Variants in PNPT1 observed in about 807,000 individuals in gnomAD.
PNPT1 encodes the protein polyribonucleotide nucleotidyltransferase 1, mitochondrial.
In PNPT1, 53 loss-of-function variants were observed where a neutral mutation model predicts 119.5. The observed-to-expected ratio is 0.44, with a 90% CI of 0.36 to 0.56. The LOEUF (loss-of-function observed/expected upper bound fraction) is 0.56, where lower values mean the gene tolerates loss of function less well. Among genes scored for constraint, PNPT1 ranks in the 20% least tolerant of loss-of-function variants. The pLI is 0.00. For synonymous variants in PNPT1, 357 were observed against 322.1 expected, an observed-to-expected ratio of 1.11 and a Z score of -1.16; for missense variants, 948 against 938.5, an observed-to-expected ratio of 1.01 and a Z score of -0.13.
intron 12 of PNPT1, 44 bp from the exon 13 acceptor site, chr2:55,667,137 C>G (rs941599932): frequency 1.4e-6 from 2 of 1,433,990 alleles, no homozygotes; most frequent in African/African-American, 2.8e-5. Context: ...ACGCTGGAAA[C>G]AGAAAAATCA....
intron 11 of PNPT1, among the ~76,000 whole-genome samples, chr2:55,668,801 C>T (rs866352133): frequency 2.0e-5 from 3 of 151,316 alleles, no homozygotes; most frequent in African/African-American, 4.9e-5. Context: ...GGTTTCTCCA[C>T]GTTGGTCAGG....
chr2:55,639,333 T>C (rs1695773236), intron 26 of PNPT1, among the ~76,000 whole-genome samples: 1 of 152,172 alleles, frequency 6.6e-6, no homozygotes. Context: ...TGAATTCATC[T>C]ACTCTAATTA....
At chr2:55,647,294 T>G (rs934491298) in intron 19 of PNPT1, 53 bp downstream of exon 19, 3 of 1,366,904 alleles carry the variant, frequency 2.2e-6, no homozygotes, top group South Asian at 1.3e-5. Flanking sequence ...TAATTTTTAT[T>G]TATTTATTTT....
rs370710716 is a variant in PNPT1, at chr2:55,652,263, G to T, written c.1495+2637C>A. ...TAGGACAGTGCCTGACTTAGGGCAG[G>T]GCAAGCCCTACTCTAGCAATTCAAA... On this transcript the variant is annotated intron_variant, in intron 18 of 27. Coordinates refer to ENST00000447944, the MANE Select transcript of PNPT1 (RefSeq NM_033109.5). 1.8e-4 allele frequency among the ~76,000 whole-genome samples: 28 copies of T among 152,204 alleles called. No homozygotes were observed. The East Asian group carries it at 5.0e-3, about 27-fold the overall frequency.
At chr2:55,661,226 G>A (rs1163573757) in intron 14 of PNPT1, among the ~76,000 whole-genome samples, 1 of 151,218 alleles carries the variant, frequency 6.6e-6, no homozygotes, top group Non-Finnish European at 1.5e-5. Flanking sequence ...CCGAGTAGCT[G>A]GGACTACAGG....
chr2:55,682,116 C>G (rs1345979031), intron 5 of PNPT1, among the ~76,000 whole-genome samples: 1 of 151,904 alleles, frequency 6.6e-6, no homozygotes, highest in Non-Finnish European at 1.5e-5. Context: ...GTACTCCAGC[C>G]TGGTCGACAG....
chr2:55,646,137 T>G, intron 21 of PNPT1, 122 bp downstream of exon 21: 2 of 987,618 alleles, frequency 2.0e-6, no homozygotes, highest in Non-Finnish European at 3.0e-6. Flanking sequence ...CAGTACTTCT[T>G]GATCTAAGTT....
At chr2:55,639,126 ACT>A (rs1452716844) in intron 26 of PNPT1, among the ~76,000 whole-genome samples, 1 of 152,194 alleles carries the variant, frequency 6.6e-6, no homozygotes, top group Non-Finnish European at 1.5e-5. Flanking sequence ...TAAGTTTCAA[ACT>A]ATATAGTTTA....
intron 13 of PNPT1, 50 bp from the exon 14 acceptor site, chr2:55,662,076 T>C (rs995991666): frequency 3.5e-6 from 5 of 1,422,228 alleles, no homozygotes; most frequent in African/African-American, 1.5e-5. Context: ...ACCACAAAGA[T>C]GAAAACTAAA....
At chr2:55,636,443 A>G (rs1420628045) in intron 27 of PNPT1, 51 bp from the exon 28 acceptor site, 1 of 1,560,806 alleles carries the variant, frequency 6.4e-7, no homozygotes, top group African/African-American at 1.4e-5. Flanking sequence ...ATTGAGTGAC[A>G]TCTAAACTAA....
chr2:55,659,283 T>C (rs1479997622), intron 15 of PNPT1, among the ~76,000 whole-genome samples: 1 of 152,188 alleles, frequency 6.6e-6, no homozygotes, highest in Non-Finnish European at 1.5e-5. Context: ...AATAATAAAA[T>C]TAAAAGTACT....
intron 18 of PNPT1, among the ~76,000 whole-genome samples, chr2:55,653,203 T>G (rs1696268303): frequency 6.6e-6 from 1 of 152,152 alleles, no homozygotes; most frequent in Admixed American, 6.5e-5. Context: ...TTAAGAGTCT[T>G]GTTGAGGGTC....
At position 55,693,670 on chromosome 2, in the gene PNPT1, C is replaced by G. The variant is rs767990424; in HGVS notation, c.154G>C (p.Gly52Arg). 6.2e-7 allele frequency: 1 copy of G among 1,614,218 alleles called. No homozygotes were observed. The highest frequency in any genetic ancestry group is 8.5e-7 in the Non-Finnish European group (1 of 1,180,034). The change falls in exon 1 of 28, where the codon GGC (glycine) becomes CGC (arginine). Residue 52 changes from glycine (G) to arginine (R), a missense_variant. By Grantham distance (125) the Gly-to-Arg change is moderately radical. Transcript: ENST00000447944. ...ACGCACGTCACTCCTTACCTGTTGCCTAAGTCCACGGCCACAGCTCGAGAC... is the reference window on the plus strand; with the variant it reads ...ACGCACGTCACTCCTTACCTGTTGCGTAAGTCCACGGCCACAGCTCGAGAC... ...AGSRAVAVDL[G>R]NRKLEISSGK...
At chr2:55,661,039 A>G (rs1417795153) in intron 14 of PNPT1, among the ~76,000 whole-genome samples, 1 of 150,640 alleles carries the variant, frequency 6.6e-6, no homozygotes, top group Non-Finnish European at 1.5e-5. Context: ...AGAACTGGCT[A>G]TGAGAGTCAA....
chr2:55,673,108 G>T (rs755785624), intron 8 of PNPT1, 29 bp from the exon 9 acceptor site: 124 of 1,411,704 alleles, frequency 8.8e-5, no homozygotes, highest in Non-Finnish European at 1.1e-4. Flanking sequence ...AAAAAAAAAT[G>T]ACTGCCATCG....
chr2:55,679,848 A>G (rs940507345), intron 7 of PNPT1, 53 bp from the exon 8 acceptor site: 1 of 1,256,904 alleles, frequency 8.0e-7, no homozygotes, highest in Non-Finnish European at 1.1e-6. Flanking sequence ...CCAGTTTTCA[A>G]GACATTATTC....
intron 1 of PNPT1, among the ~76,000 whole-genome samples, chr2:55,693,379 C>T (rs1697683675): frequency 6.6e-6 from 1 of 152,124 alleles, no homozygotes; most frequent in Non-Finnish European, 1.5e-5. Context: ...CTTAAGAGCC[C>T]AGTGGTCCCG....
At chr2:55,687,836 G>C in intron 1 of PNPT1, 131 bp from the exon 2 acceptor site, 1 of 587,040 alleles carries the variant, frequency 1.7e-6, no homozygotes. Flanking sequence ...ACAAAAAGGG[G>C]CAGAATCCAT....
chr2:55,666,894 A>G (rs934238515), intron 13 of PNPT1, 97 bp downstream of exon 13: 4 of 741,306 alleles, frequency 5.4e-6, no homozygotes, highest in Non-Finnish European at 6.4e-6. Context: ...AATATACACC[A>G]TATGACAAAA....
Sources: allele counts gnomAD v4.1 joint callset (sites outside exome capture counted in the v4.1 genomes callset), GRCh38; gene constraint gnomAD v4.1.1; transcripts MANE v1.5; gene names NCBI Gene and HGNC (gene_info 2026-07-23, HGNC 2026-07-21).